Variants in CPA5 observed in about 807,000 individuals in gnomAD.
CPA5 encodes carboxypeptidase A5.
CPA5 carries 38 observed loss-of-function variants against 52.2 expected under a neutral mutation model. The observed-to-expected ratio is 0.73, with a 90% CI of 0.56 to 0.95. CPA5 has a LOEUF of 0.95. CPA5 is among the 40% of genes least tolerant of loss of function. The probability of loss-of-function intolerance (pLI) is 0.00; values close to 1 mark genes in which losing one functional copy is unlikely to be tolerated. For synonymous variants in CPA5, 198 were observed against 213.7 expected (o/e 0.93, Z 0.64); for missense variants, 519 against 566.7 (o/e 0.92, Z 0.86).
chr7:130,362,990 G>C lies in CPA5; in HGVS notation c.743G>C (p.Ser248Thr). Residue 248 changes from serine to threonine, a missense_variant, in exon 9 of 13, where the codon AGC (serine) becomes ACC (threonine). Transcript: ENST00000474905. ...CCTGATGGGTTTGCTTTTACCCACA[G>C]CATGGTGAGGGAACCTGGGAAGGAT... is the stretch of plus-strand genomic sequence containing the variant. ...TNPDGFAFTH[S>T]MNRLWRKNKS... 2 of 1,583,532 alleles carry C rather than the reference G, an allele frequency of 1.3e-6. No homozygotes were observed. Among genetic ancestry groups the C allele is most frequent in the Non-Finnish European group, 1.7e-6 (2 of 1,152,298 alleles).
chr7:130,367,242 G>A (rs967693520), intron 10 of CPA5, 130 bp from the exon 11 acceptor site: 1 of 734,472 alleles, frequency 1.4e-6, no homozygotes, highest in Non-Finnish European at 2.3e-6. Flanking sequence ...ATTGGTCAAA[G>A]TAGTCACATG....
chr7:130,352,288 G>A (rs1554404116), intron 5 of CPA5, among the ~76,000 whole-genome samples: 2 of 152,126 alleles, frequency 1.3e-5, no homozygotes, highest in Admixed American at 6.5e-5. Context: ...TGTGCATCGG[G>A]CAAGGGGCTG....
rs112668195 is a variant in CPA5 at position 130,368,680 on chromosome 7, C to T, written c.*83C>T. ...GAAACCCAAGTTATGCATCCCCATCCCCATGCCCTCATCCCGACCTCTTAG... is the reference window on the plus strand; with the variant it reads ...GAAACCCAAGTTATGCATCCCCATCTCCATGCCCTCATCCCGACCTCTTAG... On this transcript the variant is annotated 3_prime_UTR_variant, in exon 13 of 13. Coordinates refer to ENST00000474905, the MANE Select transcript of CPA5 (RefSeq NM_080385.5). The T allele has an allele frequency of 3.6e-6, 5 of 1,377,020 alleles. No homozygotes were observed. Among genetic ancestry groups the T allele is most frequent in the Non-Finnish European group, 5.1e-6 (5 of 980,816 alleles). 85.3% of individuals were successfully genotyped at this position (1,377,020 alleles called of 1,614,324 possible).
intron 10 of CPA5, among the ~76,000 whole-genome samples, chr7:130,364,160 C>A (rs986290499): frequency 1.3e-5 from 2 of 151,528 alleles, no homozygotes; most frequent in Admixed American, 6.6e-5. Context: ...CCCAAGTAGC[C>A]GGGACCATAG....
intron 5 of CPA5, among the ~76,000 whole-genome samples, chr7:130,357,044 G>T (rs1443050630): frequency 1.3e-5 from 2 of 152,336 alleles, no homozygotes; most frequent in East Asian, 1.9e-4. Context: ...GAGGACCGGG[G>T]CTCCTCCGGC....
At chr7:130,349,493 C>T (rs1794994041) in intron 4 of CPA5, among the ~76,000 whole-genome samples, 1 of 152,024 alleles carries the variant, frequency 6.6e-6, no homozygotes, top group African/African-American at 2.4e-5. Flanking sequence ...TGAATAAAAT[C>T]TAGTATTTAA....
chr7:130,349,566 A>T (rs1794998839), intron 4 of CPA5, among the ~76,000 whole-genome samples: 1 of 152,208 alleles, frequency 6.6e-6, no homozygotes, highest in South Asian at 2.1e-4. Flanking sequence ...TAACTAAAAG[A>T]GTGTACTTGG....
chr7:130,355,846 C>T (rs1584807512), intron 5 of CPA5, among the ~76,000 whole-genome samples: 1 of 152,232 alleles, frequency 6.6e-6, no homozygotes, highest in Non-Finnish European at 1.5e-5. Context: ...TGAGCTCCCG[C>T]ACCCTCAGAC....
chr7:130,366,094 G>A (rs1796067819), intron 10 of CPA5, among the ~76,000 whole-genome samples: 1 of 152,212 alleles, frequency 6.6e-6, no homozygotes, highest in African/African-American at 2.4e-5. Context: ...TTATGGTTTT[G>A]TTATTGCCTT....
chr7:130,349,563 AAG>A (rs1236400070), intron 4 of CPA5, among the ~76,000 whole-genome samples: 3 of 152,240 alleles, frequency 2.0e-5, no homozygotes, highest in Non-Finnish European at 4.4e-5. Context: ...AAATAACTAA[AAG>A]AGTGTACTTG....
intron 5 of CPA5, among the ~76,000 whole-genome samples, chr7:130,357,041 G>A (rs1160229191): frequency 6.6e-6 from 1 of 152,188 alleles, no homozygotes; most frequent in East Asian, 1.9e-4. Context: ...AGAGAGGACC[G>A]GGGCTCCTCC....
chr7:130,359,609 A>C lies in CPA5; in HGVS notation c.354A>C (p.Arg118Ser). ...KDIQVLLDEE[R>S]QAMAKSRRLE... is the part of the protein sequence containing the mutation. ...CCCAGGTGCTGCTGGATGAGGAAAG[A>C]CAGGCCATGGCGAAATCCCGCCGGC... The change falls in exon 6 of 13, where the codon AGA (arginine) becomes AGC (serine). Residue 118 changes from arginine to serine, a missense_variant. Coordinates refer to ENST00000474905, the MANE Select transcript of CPA5 (RefSeq NM_080385.5). The C allele has an allele frequency of 6.4e-7, 1 of 1,570,174 alleles. No homozygotes were observed. The highest frequency in any genetic ancestry group is 8.6e-7 in the Non-Finnish European group (1 of 1,156,976).
chr7:130,350,531 C>T (rs1198490537), intron 5 of CPA5, among the ~76,000 whole-genome samples: 1 of 152,298 alleles, frequency 6.6e-6, no homozygotes, highest in East Asian at 1.9e-4. Flanking sequence ...CCTGGGGGAA[C>T]GGCTTTACTT....
chr7:130,370,333 C>CTT (rs111517155), downstream of CPA5, among the ~76,000 whole-genome samples: 726 of 149,482 alleles, frequency 4.9e-3, 6 homozygotes, highest in African/African-American at 0.016. Context: ...CCACAGGAGA[C>CTT]TTTTTTTTTT....
rs1410034236 is a variant in CPA5, at chr7:130,367,528, C to T, written c.995C>T (p.Pro332Leu). The change falls in exon 11 of 13, where the codon CCT becomes CTT. Residue 332 changes from proline to leucine, a missense_variant. Pro to Leu is a moderately conservative substitution (Grantham distance 98). Transcript: ENST00000474905. The stretch of plus-strand genomic sequence containing the variant: ...AGCTACTCTCAGATGCTTATGTACC[C>T]TTACGGCCGATTGCTGGAGCCCGTT... ...IHSYSQMLMYPYGRLLEPVSN... is the reference protein window; with the variant it reads ...IHSYSQMLMYLYGRLLEPVSN... 3 of 1,614,000 alleles carry T rather than the reference C, an allele frequency of 1.9e-6. No homozygotes were observed. The African/African-American group carries it at 4.0e-5, about 22-fold the overall frequency.
intron 7 of CPA5, 82 bp downstream of exon 7, chr7:130,361,326 G>A: frequency 1.0e-6 from 1 of 996,692 alleles, no homozygotes; most frequent in Non-Finnish European, 1.6e-6. Flanking sequence ...GTAGTGGCTG[G>A]GCGGGAGTTT....
chr7:130,348,575 C>T (rs1794923233), intron 4 of CPA5, among the ~76,000 whole-genome samples: 1 of 152,208 alleles, frequency 6.6e-6, no homozygotes, highest in Non-Finnish European at 1.5e-5. Context: ...AATGATGCCT[C>T]CCTTTCCTGA....
At chr7:130,365,450 G>T (rs1332489143) in intron 10 of CPA5, among the ~76,000 whole-genome samples, 1 of 152,190 alleles carries the variant, frequency 6.6e-6, no homozygotes, top group Non-Finnish European at 1.5e-5. Context: ...CCCAGAGGGG[G>T]CAAAAAGCTC....
intron 12 of CPA5, 79 bp from the exon 13 acceptor site, chr7:130,368,331 C>A (rs1416557879): frequency 1.1e-5 from 16 of 1,432,850 alleles, no homozygotes; most frequent in Non-Finnish European, 1.4e-5. Context: ...GCTCACTTTC[C>A]ACCCAGGATG....
Sources: gnomAD v4.1 joint callset for allele counts (sites outside exome capture counted in the v4.1 genomes callset) on GRCh38, gnomAD v4.1.1 for gene constraint, MANE v1.5 for transcripts, NCBI Gene and HGNC (gene_info 2026-07-23, HGNC 2026-07-21) for gene names.